The following KDM6B variants were observed in gnomAD, a reference collection of about 807,000 sequenced individuals.
The protein encoded by KDM6B is lysine-specific demethylase 6B.
In KDM6B, 22 loss-of-function variants were observed where a neutral mutation model predicts 150.4. The observed-to-expected ratio is 0.15, with a 90% CI of 0.10 to 0.21. KDM6B has a LOEUF of 0.21. Ranked by LOEUF, KDM6B falls within the 10% of genes least tolerant of loss-of-function variation. The probability of loss-of-function intolerance (pLI) is 1.00; values close to 1 mark genes in which losing one functional copy is unlikely to be tolerated. For missense variants in KDM6B, 1,984 were observed against 2,234.3 expected, an observed-to-expected ratio of 0.89 and a Z score of 2.26; for synonymous variants, 1,148 against 921.1, an observed-to-expected ratio of 1.25 and a Z score of -4.46.
chr17:7,848,920 T>C lies in KDM6B; in HGVS notation c.2632T>C (p.Trp878Arg). The C allele has an allele frequency of 6.2e-7, 1 of 1,601,088 alleles. No individual in the cohort carries two copies. Among genetic ancestry groups the C allele is most frequent in the Non-Finnish European group, 8.5e-7 (1 of 1,172,628 alleles). ...TCAGTTCTCTACCTCAGGCGGGCCCTGGGCCCGGGAGCGCAGGGCGGGCGA... is the reference window on the plus strand; with the variant it reads ...TCAGTTCTCTACCTCAGGCGGGCCCCGGGCCCGGGAGCGCAGGGCGGGCGA... ...SSQFSTSGGP[W>R]ARERRAGEEP... Residue 878 changes from tryptophan (W) to arginine (R), a missense_variant, in exon 12 of 24, where the codon TGG (tryptophan) becomes CGG (arginine). Physicochemically the swap from Trp to Arg is moderately radical, Grantham distance 101. Coordinates refer to ENST00000448097, the MANE Select transcript of KDM6B (RefSeq NM_001348716.2).
rs1567801898 is a variant in KDM6B at position 7,851,403 on chromosome 17, C to G, written c.3944+9C>G. The G allele has an allele frequency of 6.2e-7, 1 of 1,614,172 alleles. No homozygotes were observed. Among genetic ancestry groups the G allele is most frequent in the South Asian group, 1.1e-5 (1 of 91,090 alleles). On this transcript the variant is annotated intron_variant, in intron 16 of 23. Transcript: ENST00000448097. Reference sequence around the variant, plus strand: ...ACTGGAACCCCTCCTAGGTACTGTGCAGGTGTGCCCCTTCTGTTCCTGCTT... The same window carrying G: ...ACTGGAACCCCTCCTAGGTACTGTGGAGGTGTGCCCCTTCTGTTCCTGCTT...
At position 7,853,681 on chromosome 17, in the gene KDM6B, C is replaced by CAT; in HGVS notation, c.*160_*161insAT. On this transcript the variant is annotated 3_prime_UTR_variant, in exon 24 of 24. Transcript: ENST00000448097. ...CCCTCACTTAATTTATTAAGAAAAA[C>CAT]TTTTTTTTTTTTTTTAGCAAATATG... 5 of 320,944 alleles carry CAT rather than the reference C, an allele frequency of 1.6e-5. No homozygotes were observed. Among genetic ancestry groups the CAT allele is most frequent in the East Asian group, 5.3e-5 (1 of 18,920 alleles). 19.9% of individuals were successfully genotyped at this position (320,944 alleles called of 1,614,324 possible).
rs570722096 is a variant in KDM6B, at chr17:7,835,172, A to G, written c.-388+822A>G. On this transcript the variant is annotated intron_variant, in intron 1 of 23. Coordinates refer to ENST00000448097, the MANE Select transcript of KDM6B (RefSeq NM_001348716.2). Reference sequence around the variant, plus strand: ...CAGGAAATTGTGGGCAGGAGGTCGCAGCGCAGAAGACGGGGAGGGGGCTGG... The same window carrying G: ...CAGGAAATTGTGGGCAGGAGGTCGCGGCGCAGAAGACGGGGAGGGGGCTGG... Among the ~76,000 whole-genome samples the G allele has an allele frequency of 1.5e-3, 234 of 152,232 alleles. 1 individual carries two copies. The highest frequency in any genetic ancestry group is 5.5e-3 in the African/African-American group (228 of 41,564).
rs1480498829 is a variant in KDM6B at position 7,854,288 on chromosome 17, C to G, written c.*767C>G. Reference sequence around the variant, plus strand: ...CATGGTGCTCAAACCCGCTCCCCTCCCCTACGTCCTGCACTTTCTCGGACC... The same window carrying G: ...CATGGTGCTCAAACCCGCTCCCCTCGCCTACGTCCTGCACTTTCTCGGACC... On this transcript the variant is annotated 3_prime_UTR_variant, in exon 24 of 24. Coordinates refer to ENST00000448097, the MANE Select transcript of KDM6B (RefSeq NM_001348716.2). The G allele has an allele frequency of 6.5e-6, 1 of 152,782 alleles. No individual in the cohort carries two copies. The highest frequency in any genetic ancestry group is 1.5e-5 in the Non-Finnish European group (1 of 68,132). 9.5% of individuals were successfully genotyped at this position (152,782 alleles called of 1,614,324 possible). A position where few individuals can be genotyped will look rare whatever the true frequency, so the allele number is the denominator to read the frequency against.
intron 2 of KDM6B, chr17:7,840,408 C>A (rs1289617712): frequency 6.6e-6 from 1 of 152,198 alleles, no homozygotes; most frequent in African/African-American, 2.4e-5. Context: ...AGTTGTTGAA[C>A]ACCCTGGCTT....
chr17:7,851,585 A>T (rs1238261381), intron 17 of KDM6B, 36 bp downstream of exon 17: 1 of 1,612,236 alleles, frequency 6.2e-7, no homozygotes, highest in East Asian at 2.2e-5. Context: ...TTGGGGCAGG[A>T]GTGCTGCTAG....
Position 7,852,248 on chromosome 17 carries a change from C to T in KDM6B, c.4380C>T (p.Asp1460=), listed in dbSNP as rs1216614946. 4 of 1,614,130 alleles carry T rather than the reference C, an allele frequency of 2.5e-6. No individual in the cohort carries two copies. In the South Asian group the frequency reaches 4.4e-5, roughly 18 times the overall value. ...PVYRFVQRPG[D]LVWINAGTVH... The stretch of plus-strand genomic sequence containing the variant: ...ACCGCTTCGTGCAGCGACCCGGAGA[C>T]CTCGTGTGGATTAATGCGGGGACTG... Residue 1460 remains aspartate, a synonymous_variant, in exon 20 of 24, where the codon GAC becomes GAT. Coordinates refer to ENST00000448097, the MANE Select transcript of KDM6B (RefSeq NM_001348716.2).
chr17:7,841,894 G>GCCTCCC (rs1179557583), intron 2 of KDM6B, among the ~76,000 whole-genome samples: 3 of 152,134 alleles, frequency 2.0e-5, no homozygotes, highest in African/African-American at 2.4e-5. Flanking sequence ...CCTCCCCTCC[G>GCCTCCC]CCTCCCCCTC....
intron 2 of KDM6B, among the ~76,000 whole-genome samples, chr17:7,842,142 G>A (rs963305235): frequency 6.6e-6 from 1 of 152,238 alleles, no homozygotes; most frequent in African/African-American, 2.4e-5. Flanking sequence ...GGCGCTGCGC[G>A]GAGGGGCTCC....
intron 1 of KDM6B, among the ~76,000 whole-genome samples, chr17:7,836,384 T>G (rs1448570094): frequency 6.6e-6 from 1 of 152,224 alleles, no homozygotes; most frequent in Non-Finnish European, 1.5e-5. Context: ...TCTCGCCGTG[T>G]CCTGGTTTCA....
At chr17:7,841,625 T>C (rs1329944161) in intron 2 of KDM6B, among the ~76,000 whole-genome samples, 3 of 151,976 alleles carry the variant, frequency 2.0e-5, no homozygotes, top group African/African-American at 7.3e-5. Context: ...GGAGACAAGA[T>C]GAGCAGATAT....
At position 7,851,414 on chromosome 17, in the gene KDM6B, C is replaced by T; in HGVS notation, c.3944+20C>T. ...TCCTAGGTACTGTGCAGGTGTGCCC[C>T]TTCTGTTCCTGCTTCCTTCCCCTCC... On this transcript the variant is annotated intron_variant, in intron 16 of 23. Transcript: ENST00000448097. 3 of 1,614,186 alleles carry T rather than the reference C, an allele frequency of 1.9e-6. No individual in the cohort carries two copies. The South Asian group carries it at 3.3e-5, about 18-fold the overall frequency.
Position 7,845,857 on chromosome 17 carries a change from T to A in KDM6B, c.138-15T>A, listed in dbSNP as rs961118105. 2.4e-5 allele frequency: 39 copies of A among 1,610,604 alleles called. No individual in the cohort carries two copies. Among genetic ancestry groups the A allele is most frequent in the Non-Finnish European group, 3.2e-5 (38 of 1,176,970 alleles). On this transcript the variant is annotated splice_polypyrimidine_tract_variant and intron_variant, in intron 5 of 23. Transcript: ENST00000448097. The stretch of plus-strand genomic sequence containing the variant: ...CTCCTTTTTGCCGTATATAACAGAC[T>A]CCTTCTCTCTCCAGATGCTCAGCCA...
In KDM6B at chr17:7,849,007, G is replaced by C; in HGVS notation, c.2719G>C (p.Ala907Pro). Residue 907 changes from alanine to proline, a missense_variant, in exon 12 of 24, where the codon GCT becomes CCT. Physicochemically the swap from Ala to Pro is conservative, Grantham distance 27. Around this residue, in one of 13 missense-constraint regions of KDM6B, gnomAD observed 1,379 missense variants for 1,275.6 expected, o/e 1.08. Coordinates refer to ENST00000448097, the MANE Select transcript of KDM6B (RefSeq NM_001348716.2). ...GCCCCCACCCCTATCTCTGCCCCCTGCTCGCTCTGAGTCTGAGGTGCTAGA... is the reference window on the plus strand; with the variant it reads ...GCCCCCACCCCTATCTCTGCCCCCTCCTCGCTCTGAGTCTGAGGTGCTAGA... ...QPPPPLSLPP[A>P]RSESEVLEEI... 6.3e-7 allele frequency: 1 copy of C among 1,579,798 alleles called. No individual in the cohort carries two copies. Among genetic ancestry groups the C allele is most frequent in the Non-Finnish European group, 8.6e-7 (1 of 1,159,888 alleles).
In KDM6B at chr17:7,846,267, G is replaced by A. The variant is rs550920696; in HGVS notation, c.426G>A (p.Glu142=). The A allele has an allele frequency of 3.7e-6, 6 of 1,613,748 alleles. No individual in the cohort carries two copies. The African/African-American group carries it at 8.0e-5, about 22-fold the overall frequency. The change falls in exon 7 of 24, where the codon GAG becomes GAA. Residue 142 remains glutamate, a synonymous_variant. Coordinates refer to ENST00000448097, the MANE Select transcript of KDM6B (RefSeq NM_001348716.2). The part of the protein sequence containing the change: ...SALRYGGSFA[E]LGPRIGRLQQ... ...TTCGATACGGAGGAAGCTTCGCTGA[G>A]CTGGGGCCCCGCATTGGCCGACTGC...
intron 1 of KDM6B, among the ~76,000 whole-genome samples, chr17:7,836,262 G>C (rs897298171): frequency 1.3e-5 from 2 of 152,178 alleles, no homozygotes; most frequent in African/African-American, 4.8e-5. Flanking sequence ...CATTCCTAAC[G>C]TTTCCTCCTC....
rs1190817776 is a variant in KDM6B at position 7,844,353 on chromosome 17, G to A, written c.-268-548G>A. 1 of 152,312 alleles carries A rather than the reference G, an allele frequency of 6.6e-6. No individual in the cohort carries two copies. Among genetic ancestry groups the A allele is most frequent in the Non-Finnish European group, 1.5e-5 (1 of 68,100 alleles). 9.4% of individuals were successfully genotyped at this position (152,312 alleles called of 1,614,324 possible). On this transcript the variant is annotated intron_variant, in intron 2 of 23. Transcript: ENST00000448097. The surrounding 1 kb of genome is among the most constrained non-coding windows in gnomAD (Gnocchi z 5.9). The stretch of plus-strand genomic sequence containing the variant: ...GGAAGTAGAGGACCTGGAGGAACTG[G>A]GTATGAGACTGGGGGCTTGACCAAG...
Position 7,845,854 on chromosome 17 carries a change from G to C in KDM6B, c.138-18G>C. On this transcript the variant is annotated intron_variant, in intron 5 of 23. Transcript: ENST00000448097. ...CTGCTCCTTTTTGCCGTATATAACA[G>C]ACTCCTTCTCTCTCCAGATGCTCAG... is the stretch of plus-strand genomic sequence containing the variant. 2 of 1,610,220 alleles carry C rather than the reference G, an allele frequency of 1.2e-6. No individual in the cohort carries two copies. Among genetic ancestry groups the C allele is most frequent in the Admixed American group, 1.7e-5 (1 of 60,016 alleles).
chr17:7,838,816 A>G (rs903432050), intron 1 of KDM6B, among the ~76,000 whole-genome samples: 2 of 151,998 alleles, frequency 1.3e-5, no homozygotes, highest in African/African-American at 4.8e-5. Flanking sequence ...CCCGAGCAGA[A>G]GGGCCTTGCC....
Sources: allele counts gnomAD v4.1 joint callset (sites outside exome capture counted in the v4.1 genomes callset), GRCh38; gene constraint gnomAD v4.1.1; regional missense constraint gnomAD v4.1.1; non-coding constraint Gnocchi (gnomAD v3.1); transcripts MANE v1.5; gene names NCBI Gene and HGNC (gene_info 2026-07-23, HGNC 2026-07-21).